The following LRP1B variants were observed in gnomAD, a reference collection of about 807,000 sequenced individuals.
The protein encoded by LRP1B is LDL receptor related protein 1B, also known as low-density lipoprotein receptor-related protein 1B.
A neutral mutation model predicts 556.6 loss-of-function variants in LRP1B; 217 were observed. That is an observed-to-expected ratio of 0.39 (90% CI 0.35 to 0.44). The LOEUF (loss-of-function observed/expected upper bound fraction) is 0.44, where lower values mean the gene tolerates loss of function less well. Ranked by LOEUF, LRP1B falls within the 20% of genes least tolerant of loss-of-function variation. The pLI is 1.00. For missense variants in LRP1B, 5,053 were observed against 5,620.8 expected (o/e 0.90, Z 3.23); for synonymous variants, 2,047 against 1,865.8 (o/e 1.10, Z -2.50).
intron 2 of LRP1B, among the ~76,000 whole-genome samples, chr2:141,699,032 T>C (rs1030611288): frequency 1.3e-5 from 2 of 151,934 alleles, no homozygotes; most frequent in Admixed American, 6.6e-5. Flanking sequence ...TTCTCTTCTC[T>C]CATTCTCTCT....
chr2:140,309,899 C>A (rs888462085), intron 83 of LRP1B, among the ~76,000 whole-genome samples: 3 of 148,978 alleles, frequency 2.0e-5, no homozygotes, highest in Non-Finnish European at 4.5e-5. Context: ...ACAAATAACA[C>A]AATCAAATGT....
At chr2:141,481,479 G>A (rs989422129) in intron 2 of LRP1B, among the ~76,000 whole-genome samples, 5 of 152,086 alleles carry the variant, frequency 3.3e-5, no homozygotes, top group Non-Finnish European at 7.4e-5. Context: ...TCTATAGTCC[G>A]ACACACTTAG....
At chr2:142,048,805 C>G (rs994934465) in intron 1 of LRP1B, among the ~76,000 whole-genome samples, 1 of 151,966 alleles carries the variant, frequency 6.6e-6, no homozygotes, top group African/African-American at 2.4e-5. Flanking sequence ...AAATTGCATA[C>G]TTAAAAGATG....
intron 3 of LRP1B, among the ~76,000 whole-genome samples, chr2:141,315,780 T>G (rs1247976416): frequency 2.0e-5 from 3 of 150,466 alleles, no homozygotes; most frequent in African/African-American, 7.3e-5. Context: ...CCTTTCAGAA[T>G]TTTTTTTTGT....
intron 2 of LRP1B, among the ~76,000 whole-genome samples, chr2:141,726,283 T>C (rs1693029431): frequency 6.6e-6 from 1 of 151,406 alleles, no homozygotes; most frequent in African/African-American, 2.4e-5. Context: ...AACCAAAAAA[T>C]GTTAATTATT....
intron 35 of LRP1B, among the ~76,000 whole-genome samples, chr2:140,748,826 A>C (rs1187470333): frequency 1.1e-5 from 1 of 89,750 alleles, no homozygotes; most frequent in Non-Finnish European, 2.2e-5. Flanking sequence ...TATAATATAT[A>C]TCATATATTA....
At chr2:140,580,546 G>A (rs1681719775) in intron 43 of LRP1B, among the ~76,000 whole-genome samples, 1 of 152,054 alleles carries the variant, frequency 6.6e-6, no homozygotes, top group Admixed American at 6.6e-5. Context: ...TGAAAGTAGG[G>A]GTGTAACAGC....
intron 2 of LRP1B, among the ~76,000 whole-genome samples, chr2:141,507,419 TA>T (rs1683972879): frequency 6.6e-6 from 1 of 152,082 alleles, no homozygotes; most frequent in African/African-American, 2.4e-5. Context: ...ATGATATAGA[TA>T]TTTTCCAATT....
chr2:141,120,993 G>A (rs765570277), intron 7 of LRP1B, among the ~76,000 whole-genome samples: 1 of 152,002 alleles, frequency 6.6e-6, no homozygotes, highest in Non-Finnish European at 1.5e-5. Flanking sequence ...AACAATTTGA[G>A]GGTTGGTTAG....
Position 140,602,030 on chromosome 2 carries a change from G to A in LRP1B, c.6800-391C>T, listed in dbSNP as rs545697995. ...TACGACTTAGATACAATCATCATGA[G>A]TTTTCTCTTGATACTATAGATCTGG... On this transcript the variant is annotated intron_variant, in intron 41 of 90. Coordinates refer to ENST00000389484, the MANE Select transcript of LRP1B (RefSeq NM_018557.3). Among the ~76,000 whole-genome samples, 5 of 152,162 alleles carry A rather than the reference G, an allele frequency of 3.3e-5. No homozygotes were observed. In the South Asian group the frequency reaches 8.3e-4, roughly 25 times the overall value.
At chr2:141,349,413 C>T (rs943697362) in intron 3 of LRP1B, among the ~76,000 whole-genome samples, 6 of 151,890 alleles carry the variant, frequency 4.0e-5, no homozygotes, top group African/African-American at 7.3e-5. Context: ...AAAATCAATA[C>T]GAAGGACCAG....
intron 41 of LRP1B, among the ~76,000 whole-genome samples, chr2:140,643,750 G>C (rs752400584): frequency 2.0e-5 from 3 of 152,106 alleles, no homozygotes; most frequent in Non-Finnish European, 4.4e-5. Flanking sequence ...TATTAAACTT[G>C]AATGTACGTA....
At chr2:140,447,030 T>A (rs1411556995) in intron 63 of LRP1B, among the ~76,000 whole-genome samples, 3 of 151,988 alleles carry the variant, frequency 2.0e-5, no homozygotes, top group Non-Finnish European at 4.4e-5. Flanking sequence ...CTTTAAAACA[T>A]TATACAAATG....
At chr2:141,218,494 C>A (rs1682906453) in intron 6 of LRP1B, among the ~76,000 whole-genome samples, 1 of 152,120 alleles carries the variant, frequency 6.6e-6, no homozygotes, top group Non-Finnish European at 1.5e-5. Flanking sequence ...GACATGTATG[C>A]AGCTGGAAGC....
chr2:141,241,979 A>G (rs1002978081), intron 5 of LRP1B, among the ~76,000 whole-genome samples: 1 of 152,136 alleles, frequency 6.6e-6, no homozygotes, highest in African/African-American at 2.4e-5. Flanking sequence ...TTCATACATC[A>G]GTCATTCTAC....
chr2:141,084,851 G>A (rs981264947), intron 7 of LRP1B, among the ~76,000 whole-genome samples: 14 of 151,776 alleles, frequency 9.2e-5, no homozygotes, highest in African/African-American at 2.2e-4. Context: ...GGGTTTCACC[G>A]TGTTAGCCAG....
chr2:140,801,297 C>A lies in LRP1B; in HGVS notation c.5359+12360G>T, dbSNP rs368078640. On this transcript the variant is annotated intron_variant, in intron 32 of 90. Transcript: ENST00000389484. ...CGCCAATCACACTGGGGTAAGCAGA[C>A]ATAGCCTTGAAACGTGGATGGTGTT... 5.3e-5 allele frequency among the ~76,000 whole-genome samples: 8 copies of A among 152,126 alleles called. No individual in the cohort carries two copies. In the East Asian group the frequency reaches 1.5e-3, roughly 29 times the overall value.
intron 43 of LRP1B, among the ~76,000 whole-genome samples, chr2:140,571,026 T>C (rs1426049067): frequency 6.6e-6 from 1 of 151,864 alleles, no homozygotes; most frequent in Non-Finnish European, 1.5e-5. Flanking sequence ...AAAGGCCATA[T>C]ATGACAAGCA....
intron 1 of LRP1B, among the ~76,000 whole-genome samples, chr2:141,974,864 C>A (rs557560283): frequency 2.0e-5 from 3 of 152,176 alleles, no homozygotes; most frequent in African/African-American, 7.2e-5. Context: ...AAGATTTGAG[C>A]TGTAAATAAA....
Sources: gnomAD v4.1 joint callset for allele counts (sites outside exome capture counted in the v4.1 genomes callset) on GRCh38, gnomAD v4.1.1 for gene constraint, MANE v1.5 for transcripts, NCBI Gene and HGNC (gene_info 2026-07-23, HGNC 2026-07-21) for gene names.